Variants in NRF1 observed in about 807,000 individuals in gnomAD.
NRF1 encodes the protein nuclear respiratory factor 1, also known as alpha palindromic-binding protein.
A neutral mutation model predicts 58.5 loss-of-function variants in NRF1; 5 were observed. The observed-to-expected ratio is 0.09, with a 90% CI of 0.04 to 0.18. The LOEUF is 0.18. NRF1 is among the 10% of genes least tolerant of loss of function. The pLI, the probability that NRF1 is intolerant of heterozygous loss-of-function variation, is 1.00. For synonymous variants in NRF1, 224 were observed against 246.7 expected (o/e 0.91, Z 0.86); for missense variants, 288 against 657.7 (o/e 0.44, Z 6.15).
At chr7:129,621,088 T>C (rs922214170) in intron 1 of NRF1, among the ~76,000 whole-genome samples, 5 of 152,236 alleles carry the variant, frequency 3.3e-5, no homozygotes, top group Admixed American at 2.0e-4. Flanking sequence ...TCTTACTTGA[T>C]TTCCAAAATA....
At chr7:129,700,967 TG>T (rs1465744405) in intron 5 of NRF1, among the ~76,000 whole-genome samples, 2 of 152,066 alleles carry the variant, frequency 1.3e-5, no homozygotes, top group Non-Finnish European at 2.9e-5. Context: ...ATAAAAACAC[TG>T]GATGTGTTCT....
At chr7:129,671,630 A>T in intron 3 of NRF1, 87 bp downstream of exon 3, 1 of 729,614 alleles carries the variant, frequency 1.4e-6, no homozygotes, top group Non-Finnish European at 2.4e-6. Context: ...TAGGTTTGTC[A>T]AGGATGCTTG....
intron 10 of NRF1, among the ~76,000 whole-genome samples, chr7:129,734,479 T>C (rs1176002374): frequency 6.6e-6 from 1 of 152,230 alleles, no homozygotes; most frequent in Non-Finnish European, 1.5e-5. Context: ...TCCCCACCCC[T>C]GCCAGAGGCT....
chr7:129,710,460 T>G lies in NRF1; in HGVS notation c.852T>G (p.Asp284Glu), dbSNP rs1803047672. ...AAGACCTTTTGTATGCCTTTGAAGA[T>G]CAGCAAACGCAAACACAGGCCACAG... ...GREDLLYAFE[D>E]QQTQTQATAT... Residue 284 changes from aspartate to glutamate, a missense_variant, in exon 7 of 11, where the codon GAT becomes GAG. Physicochemically the swap from Asp to Glu is conservative, Grantham distance 45. Around this residue, in one of 3 missense-constraint regions of NRF1, gnomAD observed 212 missense variants for 559.7 expected, o/e 0.38. Coordinates refer to ENST00000393232, the MANE Select transcript of NRF1 (RefSeq NM_005011.5). 3.7e-6 allele frequency: 6 copies of G among 1,613,948 alleles called. No homozygotes were observed. The highest frequency in any genetic ancestry group is 5.1e-6 in the Non-Finnish European group (6 of 1,179,936).
At chr7:129,626,979 T>G (rs1800933711) in intron 1 of NRF1, among the ~76,000 whole-genome samples, 1 of 152,232 alleles carries the variant, frequency 6.6e-6, no homozygotes, top group African/African-American at 2.4e-5. Flanking sequence ...ATTTTTAAAA[T>G]ATTCAAACTA....
At chr7:129,736,863 G>A (rs1254763604) in intron 10 of NRF1, among the ~76,000 whole-genome samples, 4 of 152,128 alleles carry the variant, frequency 2.6e-5, no homozygotes, top group East Asian at 3.8e-4. Flanking sequence ...GGGAGGTCCC[G>A]CAGAGCTGGA....
At chr7:129,619,407 T>G (rs1488452786) in intron 1 of NRF1, among the ~76,000 whole-genome samples, 1 of 74,718 alleles carries the variant, frequency 1.3e-5, no homozygotes, top group Admixed American at 1.4e-4. Flanking sequence ...TATATATATA[T>G]ATATATATAT....
intron 10 of NRF1, among the ~76,000 whole-genome samples, chr7:129,732,776 A>G (rs1035007166): frequency 2.6e-5 from 4 of 151,794 alleles, no homozygotes; most frequent in African/African-American, 9.7e-5. Context: ...CTATTTTTGT[A>G]TTTTCAGTAG....
intron 10 of NRF1, among the ~76,000 whole-genome samples, chr7:129,753,780 A>G (rs186451186): frequency 9.2e-5 from 14 of 152,196 alleles, no homozygotes; most frequent in Non-Finnish European, 1.9e-4. Flanking sequence ...TGGTGTGTGA[A>G]ATCTAGAAAT....
intron 5 of NRF1, among the ~76,000 whole-genome samples, chr7:129,699,354 A>C (rs1477824464): frequency 6.6e-6 from 1 of 152,178 alleles, no homozygotes; most frequent in Non-Finnish European, 1.5e-5. Flanking sequence ...ACATTATGCT[A>C]AGTGAAATAA....
At chr7:129,630,872 C>T (rs530397590) in intron 1 of NRF1, among the ~76,000 whole-genome samples, 49 of 152,084 alleles carry the variant, frequency 3.2e-4, no homozygotes, top group Admixed American at 1.2e-3. Flanking sequence ...GTTCAAATAC[C>T]TGGAATATTT....
At chr7:129,672,663 A>G (rs1802076263) in intron 3 of NRF1, among the ~76,000 whole-genome samples, 1 of 152,176 alleles carries the variant, frequency 6.6e-6, no homozygotes, top group South Asian at 2.1e-4. Context: ...TTTGAGAGAA[A>G]GGAGTGCTGG....
intron 1 of NRF1, among the ~76,000 whole-genome samples, chr7:129,652,205 A>G (rs1225909934): frequency 6.6e-6 from 1 of 152,194 alleles, no homozygotes; most frequent in Non-Finnish European, 1.5e-5. Context: ...ACATAAATAA[A>G]TAATTATGTT....
At chr7:129,675,326 T>G (rs1312838217) in intron 3 of NRF1, among the ~76,000 whole-genome samples, 1 of 152,206 alleles carries the variant, frequency 6.6e-6, no homozygotes, top group African/African-American at 2.4e-5. Flanking sequence ...ATCAAGTTCT[T>G]CCAAACTTCC....
rs550432601 is a variant in NRF1, at chr7:129,709,348, G to T, written c.765+115G>T. 6.7e-5 allele frequency: 56 copies of T among 834,318 alleles called. No individual in the cohort carries two copies. The African/African-American group carries it at 9.0e-4, about 13-fold the overall frequency. The allele number at this position is 834,318 out of a possible 1,614,324, so 51.7% of individuals were successfully genotyped here. On this transcript the variant is annotated intron_variant, in intron 6 of 10. Transcript: ENST00000393232. ...AAGTCTTTGTGTAATAGTTAAGCCTGTCCCTCCAAAGACTGATATTCTTTG... is the reference window on the plus strand; with the variant it reads ...AAGTCTTTGTGTAATAGTTAAGCCTTTCCCTCCAAAGACTGATATTCTTTG...
chr7:129,715,345 A>T (rs1803162586), intron 8 of NRF1, among the ~76,000 whole-genome samples: 1 of 152,196 alleles, frequency 6.6e-6, no homozygotes, highest in Admixed American at 6.5e-5. Flanking sequence ...AAATGTTAGC[A>T]TGCCAAGACT....
At chr7:129,701,830 G>A (rs1393910638) in intron 5 of NRF1, among the ~76,000 whole-genome samples, 3 of 152,146 alleles carry the variant, frequency 2.0e-5, no homozygotes, top group Non-Finnish European at 4.4e-5. Flanking sequence ...ATGTTTATCA[G>A]TAGGGGAATG....
chr7:129,616,926 A>T (rs998444892), intron 1 of NRF1, among the ~76,000 whole-genome samples: 1 of 152,220 alleles, frequency 6.6e-6, no homozygotes, highest in African/African-American at 2.4e-5. Flanking sequence ...GGTTGGGATG[A>T]TCACTGGAAT....
chr7:129,671,640 G>T, intron 3 of NRF1, 97 bp downstream of exon 3: 1 of 667,124 alleles, frequency 1.5e-6, no homozygotes, highest in East Asian at 2.6e-5. Flanking sequence ...AAGGATGCTT[G>T]GTTCGATTCC....
Sources: gnomAD v4.1 joint callset for allele counts (sites outside exome capture counted in the v4.1 genomes callset) on GRCh38, gnomAD v4.1.1 for gene constraint, gnomAD v4.1.1 regional missense constraint, MANE v1.5 for transcripts, NCBI Gene and HGNC (gene_info 2026-07-23, HGNC 2026-07-21) for gene names.